Variants in FRA10AC1 observed in about 807,000 individuals in gnomAD.
FRA10AC1 encodes the protein protein FRA10AC1.
Under a neutral mutation model 56.5 loss-of-function variants are expected in FRA10AC1, and 43 were observed. The observed-to-expected ratio is 0.76, with a 90% CI of 0.60 to 0.98. The LOEUF (loss-of-function observed/expected upper bound fraction) is 0.98, where lower values mean the gene tolerates loss of function less well. Among genes scored for constraint, FRA10AC1 ranks in the 50% least tolerant of loss-of-function variants. The pLI is 0.00. For synonymous variants in FRA10AC1, 112 were observed against 110.5 expected (o/e 1.01, Z -0.09); for missense variants, 346 against 351.8 (o/e 0.98, Z 0.13).
Position 93,669,752 on chromosome 10 carries a change from G to A in FRA10AC1, c.*74C>T. The stretch of plus-strand genomic sequence containing the variant: ...GTAACTTGCAGATAAAAACTTATAT[G>A]GAATTTCAAATTGCATGAAGTTTAA... On this transcript the variant is annotated 3_prime_UTR_variant, in exon 14 of 14. Coordinates refer to ENST00000359204, the MANE Select transcript of FRA10AC1 (RefSeq NM_145246.5). The A allele has an allele frequency of 2.0e-6, 2 of 980,242 alleles. No individual in the cohort carries two copies. The highest frequency in any genetic ancestry group is 5.2e-5 in the East Asian group (2 of 38,394). 60.7% of individuals were successfully genotyped at this position (980,242 alleles called of 1,614,324 possible). A position where few individuals can be genotyped will look rare whatever the true frequency, so the allele number is the denominator to read the frequency against.
intron 12 of FRA10AC1, chr10:93,673,435 A>G (rs901959888): frequency 4.5e-6 from 2 of 448,806 alleles, no homozygotes; most frequent in Admixed American, 4.9e-5. Flanking sequence ...GACCTGCTTC[A>G]AGTTTTCAAT....
chr10:93,693,549 C>T (rs1235153943), intron 5 of FRA10AC1, among the ~76,000 whole-genome samples: 126 of 114,638 alleles, frequency 1.1e-3, no homozygotes, highest in African/African-American at 2.7e-3. Context: ...TATATATATA[C>T]ACACATACAT....
At chr10:93,675,096 T>C (rs2058820784) in intron 12 of FRA10AC1, 1 of 152,184 alleles carries the variant, frequency 6.6e-6, no homozygotes, top group Non-Finnish European at 1.5e-5. Flanking sequence ...ACTTCAAATA[T>C]GTTGAAAACA....
At chr10:93,693,380 GAC>G (rs1056781329) in intron 5 of FRA10AC1, among the ~76,000 whole-genome samples, 1 of 148,234 alleles carries the variant, frequency 6.7e-6, no homozygotes, top group Non-Finnish European at 1.5e-5. Flanking sequence ...GAAGTTCTAA[GAC>G]ACACACACAC....
intron 12 of FRA10AC1, chr10:93,671,577 T>TA (rs2058762732): frequency 6.2e-6 from 1 of 162,044 alleles, no homozygotes; most frequent in African/African-American, 2.4e-5. Flanking sequence ...ACAAAAAACC[T>TA]AATTCCCCAC....
chr10:93,669,272 G>T lies in FRA10AC1; in HGVS notation c.*554C>A, dbSNP rs1255818179. On this transcript the variant is annotated 3_prime_UTR_variant, in exon 14 of 14. Coordinates refer to ENST00000359204, the MANE Select transcript of FRA10AC1 (RefSeq NM_145246.5). The stretch of plus-strand genomic sequence containing the variant: ...ACATACATAATATACTTTAATCCTA[G>T]TAATTTAAAATAATTGGCAGAGCAT... 6.6e-6 allele frequency: 1 copy of T among 152,084 alleles called. No individual in the cohort carries two copies. Among genetic ancestry groups the T allele is most frequent in the Non-Finnish European group, 1.5e-5 (1 of 68,038 alleles). The allele number at this position is 152,084 out of a possible 1,614,324, so 9.4% of individuals were successfully genotyped here.
chr10:93,691,759 TA>T (rs1339163441), intron 7 of FRA10AC1, among the ~76,000 whole-genome samples: 6 of 152,196 alleles, frequency 3.9e-5, no homozygotes, highest in Non-Finnish European at 2.9e-5. Flanking sequence ...CACTTGCGTT[TA>T]ATTTTAGACT....
chr10:93,673,430 G>A (rs2058796979), intron 12 of FRA10AC1: 1 of 448,114 alleles, frequency 2.2e-6, no homozygotes, highest in South Asian at 1.6e-5. Context: ...TTCTTGACCT[G>A]CTTCAAGTTT....
At chr10:93,674,548 T>A (rs184283096) in intron 12 of FRA10AC1, 1 of 152,336 alleles carries the variant, frequency 6.6e-6, no homozygotes, top group East Asian at 1.9e-4. Context: ...GTGGATAGTT[T>A]GTTTTTTCAA....
rs952492910 is a variant in FRA10AC1, at chr10:93,671,331, A to G, written c.827-483T>C. The G allele has an allele frequency of 2.0e-5, 3 of 153,360 alleles. No homozygotes were observed. The East Asian group carries it at 5.7e-4, about 29-fold the overall frequency. 9.5% of individuals were successfully genotyped at this position (153,360 alleles called of 1,614,324 possible). On this transcript the variant is annotated intron_variant, in intron 12 of 13. Coordinates refer to ENST00000359204, the MANE Select transcript of FRA10AC1 (RefSeq NM_145246.5). ...AATTGTCAGACATTTTAAAAAACCAATGCTGATTACATAATGAGAAGAAGC... is the reference window on the plus strand; with the variant it reads ...AATTGTCAGACATTTTAAAAAACCAGTGCTGATTACATAATGAGAAGAAGC...
At chr10:93,685,542 CAA>C in intron 8 of FRA10AC1, 183 bp from the exon 9 acceptor site, 4 of 383,946 alleles carry the variant, frequency 1.0e-5, no homozygotes, top group Non-Finnish European at 1.4e-5. Context: ...GTACTGTTAC[CAA>C]AAAAAATCAG....
At chr10:93,676,869 T>G (rs2058851440) in intron 11 of FRA10AC1, among the ~76,000 whole-genome samples, 178 bp from the exon 12 acceptor site, 1 of 152,134 alleles carries the variant, frequency 6.6e-6, no homozygotes, top group Non-Finnish European at 1.5e-5. Flanking sequence ...AATGTTACGT[T>G]CTTTTAGGCA....
At chr10:93,670,434 C>G (rs1419916862) in intron 13 of FRA10AC1, among the ~76,000 whole-genome samples, 1 of 152,008 alleles carries the variant, frequency 6.6e-6, no homozygotes, top group African/African-American at 2.4e-5. Flanking sequence ...ACTTCCCATG[C>G]AAGGGATTCC....
chr10:93,670,847 T>C lies in FRA10AC1; in HGVS notation c.828A>G (p.Arg276=). The C allele has an allele frequency of 1.2e-6, 2 of 1,605,012 alleles. No homozygotes were observed. The highest frequency in any genetic ancestry group is 1.7e-6 in the Non-Finnish European group (2 of 1,172,498). The change falls in exon 13 of 14, where the codon AGA becomes AGG. Residue 276 remains arginine, a splice_region_variant and synonymous_variant. Transcript: ENST00000359204. ...SSKKSEDSLL[R]NSDEEESASE... ...AAGCACTTTCTTCCTCATCAGAGTT[T>C]CCTGTTCATTTAAAAAAGATGATTT...
At chr10:93,679,867 T>G (rs1315370825) in intron 11 of FRA10AC1, among the ~76,000 whole-genome samples, 1 of 152,120 alleles carries the variant, frequency 6.6e-6, no homozygotes, top group African/African-American at 2.4e-5. Flanking sequence ...ATATATACTC[T>G]GGGGGTAAAA....
chr10:93,683,071 C>T (rs1234574787), intron 10 of FRA10AC1, among the ~76,000 whole-genome samples: 3 of 152,146 alleles, frequency 2.0e-5, no homozygotes, highest in African/African-American at 2.4e-5. Flanking sequence ...AGGCAAGTTG[C>T]GAAGAATCAG....
At chr10:93,676,261 A>G (rs2058838315) in intron 12 of FRA10AC1, among the ~76,000 whole-genome samples, 1 of 152,172 alleles carries the variant, frequency 6.6e-6, no homozygotes, top group African/African-American at 2.4e-5. Flanking sequence ...CAGGGAAAAA[A>G]TAATAAAATT....
chr10:93,692,795 C>CT (rs1416992219), intron 5 of FRA10AC1, 66 bp from the exon 6 acceptor site: 3 of 1,004,166 alleles, frequency 3.0e-6, no homozygotes, highest in African/African-American at 1.7e-5. Context: ...TTAAATAGCT[C>CT]TGTGAGTTTT....
intron 12 of FRA10AC1, among the ~76,000 whole-genome samples, chr10:93,676,415 T>C (rs1185269689): frequency 6.6e-6 from 1 of 152,198 alleles, no homozygotes; most frequent in East Asian, 1.9e-4. Flanking sequence ...ATATCCATTG[T>C]ATTTACTGGA....
Sources: allele counts gnomAD v4.1 joint callset (sites outside exome capture counted in the v4.1 genomes callset), GRCh38; gene constraint gnomAD v4.1.1; transcripts MANE v1.5; gene names NCBI Gene and HGNC (gene_info 2026-07-23, HGNC 2026-07-21).